Variants in ZMYM4 observed in about 807,000 individuals in gnomAD.
The protein encoded by ZMYM4 is zinc finger MYM-type containing 4, also known as zinc finger MYM-type protein 4.
In ZMYM4, 31 loss-of-function variants were observed where a neutral mutation model predicts 183.2. The observed-to-expected ratio is 0.17, with a 90% CI of 0.13 to 0.23. The LOEUF is 0.23. Among genes scored for constraint, ZMYM4 ranks in the 10% least tolerant of loss-of-function variants. ZMYM4 has a pLI of 1.00. For synonymous variants in ZMYM4, 592 were observed against 631.2 expected (o/e 0.94, Z 0.93); for missense variants, 1,273 against 1,840.3 (o/e 0.69, Z 5.64).
intron 2 of ZMYM4, among the ~76,000 whole-genome samples, chr1:35,344,538 A>C (rs1643322809): frequency 6.6e-6 from 1 of 152,028 alleles, no homozygotes; most frequent in African/African-American, 2.4e-5. Flanking sequence ...AGTTTACTGA[A>C]AGATATTTTC....
intron 2 of ZMYM4, among the ~76,000 whole-genome samples, chr1:35,350,396 C>T (rs948297313): frequency 1.7e-4 from 26 of 152,036 alleles, no homozygotes; most frequent in Admixed American, 1.3e-4. Flanking sequence ...TCAAGTGATT[C>T]TCCTACCTCA....
chr1:35,407,135 A>T (rs1645016333), intron 25 of ZMYM4, among the ~76,000 whole-genome samples: 2 of 152,126 alleles, frequency 1.3e-5, no homozygotes, highest in South Asian at 4.1e-4. Context: ...ATATCAGCTG[A>T]AGAAAGTTAA....
Position 35,282,210 on chromosome 1 carries a change from A to G in ZMYM4, c.39+13125A>G, listed in dbSNP as rs187212241. Among the ~76,000 whole-genome samples, 528 of 152,336 alleles carry G rather than the reference A, an allele frequency of 3.5e-3. 2 individuals are homozygous for G. The highest frequency in any genetic ancestry group is 4.8e-3 in the Non-Finnish European group (328 of 68,044). On this transcript the variant is annotated intron_variant, in intron 1 of 29. Transcript: ENST00000314607. ...GTTGAAATTTGATTCCCAATATGGC[A>G]GTATTAGGAGGTGGGCCCTAGTGGG...
chr1:35,308,343 C>T (rs78196332), intron 1 of ZMYM4, among the ~76,000 whole-genome samples: 2 of 152,290 alleles, frequency 1.3e-5, no homozygotes, highest in African/African-American at 2.4e-5. Context: ...GTACAGAGTA[C>T]ACCTACTGTG....
Position 35,292,701 on chromosome 1 carries a change from C to T in ZMYM4, c.39+23616C>T, listed in dbSNP as rs1009359373. Among the ~76,000 whole-genome samples, 46 of 151,998 alleles carry T rather than the reference C, an allele frequency of 3.0e-4. 1 individual carries two copies. Among genetic ancestry groups the T allele is most frequent in the Non-Finnish European group, 5.9e-5 (4 of 67,988 alleles). ...TTTTAGTAGAGACCGGGTTTCACCA[C>T]GTTAGCCAGGCTGACCTCTAACTCC... is the stretch of plus-strand genomic sequence containing the variant. On this transcript the variant is annotated intron_variant, in intron 1 of 29. Coordinates refer to ENST00000314607, the MANE Select transcript of ZMYM4 (RefSeq NM_005095.3).
At chr1:35,360,557 T>G (rs1643913278) in intron 3 of ZMYM4, among the ~76,000 whole-genome samples, 1 of 152,068 alleles carries the variant, frequency 6.6e-6, no homozygotes, top group African/African-American at 2.4e-5. Flanking sequence ...ATTTCCAATA[T>G]CCCTTCTTGG....
chr1:35,371,164 G>A (rs550260215), intron 7 of ZMYM4, among the ~76,000 whole-genome samples: 3 of 151,540 alleles, frequency 2.0e-5, no homozygotes, highest in African/African-American at 7.3e-5. Context: ...TGCCCAGGCT[G>A]GAGTGCAGTG....
At chr1:35,369,255 T>C (rs1482678715) in intron 5 of ZMYM4, among the ~76,000 whole-genome samples, 1 of 152,214 alleles carries the variant, frequency 6.6e-6, no homozygotes, top group African/African-American at 2.4e-5. Flanking sequence ...TGCAATTGTA[T>C]AATTGTAAAA....
intron 1 of ZMYM4, among the ~76,000 whole-genome samples, chr1:35,308,207 G>T (rs770532985): frequency 4.0e-5 from 6 of 149,652 alleles, no homozygotes; most frequent in Non-Finnish European, 5.9e-5. Context: ...GGCCAGGCTG[G>T]TCTTGTACTC....
chr1:35,311,885 C>A (rs1641818555), intron 1 of ZMYM4, among the ~76,000 whole-genome samples: 1 of 151,910 alleles, frequency 6.6e-6, no homozygotes, highest in African/African-American at 2.4e-5. Context: ...AAGAGCCTTT[C>A]TTTTTCTTTT....
chr1:35,405,600 C>T lies in ZMYM4; in HGVS notation c.3796+132C>T, dbSNP rs962826201. The T allele has an allele frequency of 5.8e-5, 41 of 710,936 alleles. No individual in the cohort carries two copies. In the East Asian group the frequency reaches 6.3e-4, roughly 11 times the overall value. The allele number at this position is 710,936 out of a possible 1,614,324, so 44.0% of individuals were successfully genotyped here. ...TTAGAAAGAGAAATTAATCTTATCC[C>T]GTTTTAAGGAGGTTGTTATAAGGGT... On this transcript the variant is annotated intron_variant, in intron 25 of 29. Transcript: ENST00000314607.
At chr1:35,390,739 CTG>C (rs1180415826) in intron 15 of ZMYM4, among the ~76,000 whole-genome samples, 1 of 152,126 alleles carries the variant, frequency 6.6e-6, no homozygotes, top group Non-Finnish European at 1.5e-5. Context: ...CAAATAAACT[CTG>C]TAAGAACTTA....
At chr1:35,319,742 G>A (rs1270531714) in intron 1 of ZMYM4, among the ~76,000 whole-genome samples, 5 of 152,154 alleles carry the variant, frequency 3.3e-5, no homozygotes, top group Non-Finnish European at 7.3e-5. Context: ...TAGCAACAGG[G>A]AAAGACTAAC....
intron 7 of ZMYM4, 135 bp downstream of exon 7, chr1:35,370,762 A>G: frequency 1.0e-6 from 1 of 962,252 alleles, no homozygotes; most frequent in South Asian, 3.9e-5. Context: ...GAAATACCAC[A>G]TTATTTTCTG....
intron 5 of ZMYM4, among the ~76,000 whole-genome samples, chr1:35,369,820 AT>A (rs1306305482): frequency 3.3e-5 from 5 of 151,764 alleles, no homozygotes; most frequent in African/African-American, 1.2e-4. Context: ...AGATACTTTC[AT>A]TTTTTTCTGT....
At chr1:35,312,232 C>G (rs1363927814) in intron 1 of ZMYM4, among the ~76,000 whole-genome samples, 2 of 152,092 alleles carry the variant, frequency 1.3e-5, no homozygotes, top group Non-Finnish European at 2.9e-5. Flanking sequence ...GTTTGCTTAG[C>G]TTCTTGAATC....
intron 6 of ZMYM4, 21 bp downstream of exon 6, chr1:35,370,134 A>C (rs1366414111): frequency 1.9e-6 from 3 of 1,609,504 alleles, no homozygotes; most frequent in African/African-American, 2.7e-5. Context: ...GACCTGAATA[A>C]ATGGATTGTG....
chr1:35,399,675 G>A (rs1644868536), intron 23 of ZMYM4, 99 bp downstream of exon 23: 1 of 1,243,558 alleles, frequency 8.0e-7, no homozygotes, highest in Non-Finnish European at 1.1e-6. Flanking sequence ...GCCAGAGTCA[G>A]GTAGTTCCAC....
intron 5 of ZMYM4, 132 bp downstream of exon 5, chr1:35,361,921 C>T (rs754695707): frequency 4.4e-5 from 53 of 1,192,566 alleles, no homozygotes; most frequent in South Asian, 2.4e-4. Flanking sequence ...AAGGTTGAGG[C>T]GATTTGAATT....
Sources: allele counts gnomAD v4.1 joint callset (sites outside exome capture counted in the v4.1 genomes callset), GRCh38; gene constraint gnomAD v4.1.1; transcripts MANE v1.5; gene names NCBI Gene and HGNC (gene_info 2026-07-23, HGNC 2026-07-21).